VCAN: variants seen among roughly 807,000 people sequenced by gnomAD.
The protein encoded by VCAN is versican core protein.
A neutral mutation model predicts 245.5 loss-of-function variants in VCAN; 44 were observed. That is an observed-to-expected ratio of 0.18 (90% CI 0.14 to 0.23). The LOEUF (loss-of-function observed/expected upper bound fraction) is 0.23. VCAN is among the 10% of genes least tolerant of loss of function. VCAN has a pLI of 1.00. For missense variants in VCAN, 3,793 were observed against 4,057.9 expected, an observed-to-expected ratio of 0.93 and a Z score of 1.77; for synonymous variants, 1,413 against 1,437.0, an observed-to-expected ratio of 0.98 and a Z score of 0.38.
intron 3 of VCAN, among the ~76,000 whole-genome samples, chr5:83,491,549 G>A (rs1381625392): frequency 4.0e-5 from 6 of 151,846 alleles, no homozygotes; most frequent in African/African-American, 1.5e-4. Flanking sequence ...ATTTTTGTTA[G>A]CCTCACTACT....
rs1260219045 is a variant in VCAN at position 83,582,113 on chromosome 5, T to C, written c.*1679T>C. On this transcript the variant is annotated 3_prime_UTR_variant, in exon 15 of 15. Coordinates refer to ENST00000265077, the MANE Select transcript of VCAN (RefSeq NM_004385.5). ...TATTTTAGAGCACAGAACAACACTG[T>C]GTTGATCTAGTAGGTTTCTATTTTT... 1 of 152,188 alleles carries C rather than the reference T, an allele frequency of 6.6e-6. No homozygotes were observed. The highest frequency in any genetic ancestry group is 2.4e-5 in the African/African-American group (1 of 41,456). The allele number at this position is 152,188 out of a possible 1,614,324, so 9.4% of individuals were successfully genotyped here.
chr5:83,502,342 T>C (rs1229602148), intron 5 of VCAN, among the ~76,000 whole-genome samples: 1 of 152,196 alleles, frequency 6.6e-6, no homozygotes, highest in Non-Finnish European at 1.5e-5. Context: ...CAAAAGAGCT[T>C]CTTTGGAAAT....
chr5:83,521,173 G>A lies in VCAN; in HGVS notation c.2867G>A (p.Ser956Asn), dbSNP rs780636997. The A allele has an allele frequency of 1.9e-6, 3 of 1,613,536 alleles. No homozygotes were observed. In the Admixed American group the frequency reaches 5.0e-5, roughly 27 times the overall value. Reference protein sequence around the residue: ...TSEVEGLAFVSYSSTQEPTTY... With the variant: ...TSEVEGLAFVNYSSTQEPTTY... ...GAGGTGGAAGGATTAGCATTTGTTAGTTATAGTAGCACCCAAGAGCCTACT... is the reference window on the plus strand; with the variant it reads ...GAGGTGGAAGGATTAGCATTTGTTAATTATAGTAGCACCCAAGAGCCTACT... The change falls in exon 7 of 15, where the codon AGT becomes AAT. Residue 956 changes from serine (S) to asparagine (N), a missense_variant. Physicochemically the swap from Ser to Asn is conservative, Grantham distance 46 (BLOSUM62 1). Transcript: ENST00000265077.
Position 83,520,457 on chromosome 5 carries a change from A to G in VCAN, c.2151A>G (p.Glu717=). Residue 717 remains glutamate (E), a synonymous_variant, in exon 7 of 15, where the codon GAA becomes GAG. Transcript: ENST00000265077. ...ITKSPFMGKT[E]EEVFSGMKLS... ...AAAGTCCATTTATGGGAAAAACAGAAGAAGAAGTCTTCTCTGGGATGAAAC... is the reference window on the plus strand; with the variant it reads ...AAAGTCCATTTATGGGAAAAACAGAGGAAGAAGTCTTCTCTGGGATGAAAC... The G allele has an allele frequency of 6.2e-7, 1 of 1,613,986 alleles. No homozygotes were observed. Among genetic ancestry groups the G allele is most frequent in the South Asian group, 1.1e-5 (1 of 91,080 alleles).
intron 5 of VCAN, among the ~76,000 whole-genome samples, chr5:83,511,365 C>T (rs1325039818): frequency 6.6e-6 from 1 of 151,944 alleles, no homozygotes; most frequent in Non-Finnish European, 1.5e-5. Context: ...AAAACAAAGG[C>T]TTTATCCAAA....
In VCAN at chr5:83,539,892, A is replaced by G. The variant is rs1358507227; in HGVS notation, c.6889A>G (p.Lys2297Glu). Residue 2297 changes from lysine (K) to glutamate (E), a missense_variant, in exon 8 of 15, where the codon AAA (lysine) becomes GAA (glutamate). This residue lies in a region of VCAN where 3,182 missense variants were observed against 3,250.3 expected (regional missense o/e 0.98). Coordinates refer to ENST00000265077, the MANE Select transcript of VCAN (RefSeq NM_004385.5). ...TCAAGTGGAAAGTACCTCAAGTGAC[A>G]AAATTGAAGACTTTAACAGAATGGA... ...TSQVESTSSD[K>E]IEDFNRMENV... The G allele has an allele frequency of 2.5e-6, 4 of 1,613,984 alleles. No homozygotes were observed. In the African/African-American group the frequency reaches 4.0e-5, roughly 16 times the overall value.
Position 83,520,027 on chromosome 5 carries a change from A to G in VCAN, c.1721A>G (p.Asp574Gly). The stretch of plus-strand genomic sequence containing the variant: ...TCTGATGAGAGCACCTTGATCTTTG[A>G]CCAAATTCCTGAAGTCATTACGGTG... ...VGSDESTLIF[D>G]QIPEVITVSK... Residue 574 changes from aspartate to glycine, a missense_variant, in exon 7 of 15, where the codon GAC becomes GGC. Physicochemically the swap from Asp to Gly is moderately conservative, Grantham distance 94. Transcript: ENST00000265077. 1 of 1,614,092 alleles carries G rather than the reference A, an allele frequency of 6.2e-7. No individual in the cohort carries two copies. The highest frequency in any genetic ancestry group is 8.5e-7 in the Non-Finnish European group (1 of 1,179,964).
chr5:83,503,894 G>A (rs1233673532), intron 5 of VCAN, among the ~76,000 whole-genome samples: 9 of 152,188 alleles, frequency 5.9e-5, no homozygotes, highest in Non-Finnish European at 1.0e-4. Flanking sequence ...TGACTCCTGA[G>A]TATAAACTCT....
chr5:83,513,338 G>C (rs1350876547), intron 6 of VCAN, among the ~76,000 whole-genome samples: 1 of 152,136 alleles, frequency 6.6e-6, no homozygotes, highest in East Asian at 1.9e-4. Flanking sequence ...AATGTATCTT[G>C]TTATAGCAAT....
chr5:83,489,311 G>A (rs1744889797), intron 2 of VCAN, among the ~76,000 whole-genome samples: 1 of 152,144 alleles, frequency 6.6e-6, no homozygotes, highest in Admixed American at 6.5e-5. Context: ...TCCTCTAAGA[G>A]TGAAAAAACA....
In VCAN at chr5:83,548,036, T is replaced by A. The variant is rs906669401; in HGVS notation, c.9445T>A (p.Phe3149Ile). 6.2e-7 allele frequency: 1 copy of A among 1,613,998 alleles called. No individual in the cohort carries two copies. Among genetic ancestry groups the A allele is most frequent in the Non-Finnish European group, 8.5e-7 (1 of 1,179,974 alleles). ...GATCVDGFNT[F>I]RCLCLPSYVG... The stretch of plus-strand genomic sequence containing the variant: ...CACTTGTGTTGATGGTTTTAACACA[T>A]TCAGGTGCCTCTGCCTTCCAAGTTA... Residue 3149 changes from phenylalanine to isoleucine, a missense_variant, in exon 10 of 15, where the codon TTC becomes ATC. By Grantham distance (21) the Phe-to-Ile change is conservative. Transcript: ENST00000265077.
At position 83,580,440 on chromosome 5, in the gene VCAN, A is replaced by G; in HGVS notation, c.*6A>G. On this transcript the variant is annotated 3_prime_UTR_variant, in exon 15 of 15. Transcript: ENST00000265077. ...GGCAGGAGTCGAGGCGCTGATCCCT[A>G]AAATGGCGAACATGTGTTTTCATCA... is the stretch of plus-strand genomic sequence containing the variant. 6.2e-7 allele frequency: 1 copy of G among 1,613,690 alleles called. No homozygotes were observed. The highest frequency in any genetic ancestry group is 8.5e-7 in the Non-Finnish European group (1 of 1,179,802).
At chr5:83,496,117 C>T (rs1336598545) in intron 5 of VCAN, among the ~76,000 whole-genome samples, 1 of 152,154 alleles carries the variant, frequency 6.6e-6, no homozygotes, top group East Asian at 1.9e-4. Context: ...CAGGGATTTC[C>T]TAGCCACACT....
chr5:83,519,410 C>T lies in VCAN; in HGVS notation c.1104C>T (p.Ser368=). 6.2e-7 allele frequency: 1 copy of T among 1,614,058 alleles called. No individual in the cohort carries two copies. Among genetic ancestry groups the T allele is most frequent in the Non-Finnish European group, 8.5e-7 (1 of 1,179,932 alleles). Residue 368 remains serine (S), a synonymous_variant, in exon 7 of 15, where the codon TCC becomes TCT. Transcript: ENST00000265077. ...ILAETASPSL[S]KEPQMVSDRT... is the part of the protein sequence containing the mutation. ...CAGAAACTGCATCACCCAGTTTATC[C>T]AAAGAACCACAAATGGTTTCTGATA...
At chr5:83,551,511 CA>C (rs1161281529) in intron 10 of VCAN, among the ~76,000 whole-genome samples, 1 of 147,894 alleles carries the variant, frequency 6.8e-6, no homozygotes, top group South Asian at 2.1e-4. Flanking sequence ...GACTCCACCA[CA>C]AAAAAAATAA....
chr5:83,539,363 T>G lies in VCAN; in HGVS notation c.6360T>G (p.Ile2120Met). The change falls in exon 8 of 15, where the codon ATT becomes ATG. Residue 2120 changes from isoleucine to methionine, a missense_variant. Physicochemically the swap from Ile to Met is conservative, Grantham distance 10. Transcript: ENST00000265077. The part of the protein sequence containing the change: ...IESETTSEEQ[I>M]QEEKSFESPQ... ...GTGAAACAACATCAGAGGAACAAAT[T>G]CAAGAAGAAAAGTCATTTGAATCCC... The G allele has an allele frequency of 1.2e-6, 2 of 1,613,958 alleles. No individual in the cohort carries two copies. Among genetic ancestry groups the G allele is most frequent in the Non-Finnish European group, 1.7e-6 (2 of 1,179,958 alleles).
intron 7 of VCAN, chr5:83,535,635 GA>G (rs1746676612): frequency 3.3e-5 from 5 of 152,080 alleles, no homozygotes; most frequent in Non-Finnish European, 7.4e-5. Context: ...GCAAAAGCTA[GA>G]TATTGTTTCT....
Position 83,539,265 on chromosome 5 carries a change from T to C in VCAN, c.6262T>C (p.Phe2088Leu). ...VKVSGTVSTNFPQTIEPAKLW... is the reference protein window; with the variant it reads ...VKVSGTVSTNLPQTIEPAKLW... ...GGTCAGTGGCACAGTTTCAACAAAC[T>C]TTCCCCAAACTATAGAGCCAGCCAA... is the stretch of plus-strand genomic sequence containing the variant. The change falls in exon 8 of 15, where the codon TTT becomes CTT. Residue 2088 changes from phenylalanine to leucine, a missense_variant. Physicochemically the swap from Phe to Leu is conservative, Grantham distance 22. Coordinates refer to ENST00000265077, the MANE Select transcript of VCAN (RefSeq NM_004385.5). 1 of 1,614,024 alleles carries C rather than the reference T, an allele frequency of 6.2e-7. No homozygotes were observed. Among genetic ancestry groups the C allele is most frequent in the Non-Finnish European group, 8.5e-7 (1 of 1,179,962 alleles).
intron 6 of VCAN, among the ~76,000 whole-genome samples, chr5:83,514,014 G>A (rs139515748): frequency 1.3e-3 from 193 of 152,198 alleles, no homozygotes; most frequent in African/African-American, 4.5e-3. Flanking sequence ...ATCAAAGCCT[G>A]TCTGTAGCCA....
Sources: allele counts gnomAD v4.1 joint callset (sites outside exome capture counted in the v4.1 genomes callset), GRCh38; gene constraint gnomAD v4.1.1; regional missense constraint gnomAD v4.1.1; transcripts MANE v1.5; gene names NCBI Gene and HGNC (gene_info 2026-07-23, HGNC 2026-07-21).